CSNK1G2: variants seen among roughly 807,000 people sequenced by gnomAD.
The protein encoded by CSNK1G2 is casein kinase 1 gamma 2.
A neutral mutation model predicts 48.0 loss-of-function variants in CSNK1G2; 11 were observed. The ratio of observed to expected loss-of-function variants is 0.23; its 90% CI spans 0.14 to 0.38. CSNK1G2 has a LOEUF of 0.38. Ranked by LOEUF, CSNK1G2 falls within the 10% of genes least tolerant of loss-of-function variation. The probability of loss-of-function intolerance (pLI) is 1.00; values close to 1 mark genes in which losing one functional copy is unlikely to be tolerated. For synonymous variants in CSNK1G2, 337 were observed against 254.1 expected (o/e 1.33, Z -3.10); for missense variants, 446 against 595.5 (o/e 0.75, Z 2.61).
intron 1 of CSNK1G2, among the ~76,000 whole-genome samples, chr19:1,948,295 G>A (rs1015781442): frequency 6.6e-6 from 1 of 151,918 alleles, no homozygotes; most frequent in Non-Finnish European, 1.5e-5. Context: ...AGGCCGAGGC[G>A]GGTGGATCAC....
chr19:1,942,940 C>G (rs780628785), intron 1 of CSNK1G2, among the ~76,000 whole-genome samples: 9 of 152,132 alleles, frequency 5.9e-5, no homozygotes, highest in Non-Finnish European at 1.2e-4. Context: ...TGTGCAGGTA[C>G]GCGCACGCCT....
At position 1,980,295 on chromosome 19, in the gene CSNK1G2, C is replaced by T; in HGVS notation, c.*92C>T. The T allele has an allele frequency of 1.3e-6, 2 of 1,487,222 alleles. No homozygotes were observed. Among genetic ancestry groups the T allele is most frequent in the Non-Finnish European group, 1.9e-6 (2 of 1,073,564 alleles). The allele number at this position is 1,487,222 out of a possible 1,614,324, so 92.1% of individuals were successfully genotyped here. A position where few individuals can be genotyped will look rare whatever the true frequency, so the allele number is the denominator to read the frequency against. On this transcript the variant is annotated 3_prime_UTR_variant, in exon 12 of 12. Transcript: ENST00000255641. The stretch of plus-strand genomic sequence containing the variant: ...CCCTCGGGGCCCACCCACAGCGGCC[C>T]AGGGCCAGACCCTGGCTGGAAGCCA...
At chr19:1,960,191 G>A (rs984004656) in intron 1 of CSNK1G2, among the ~76,000 whole-genome samples, 1 of 152,204 alleles carries the variant, frequency 6.6e-6, no homozygotes, top group African/African-American at 2.4e-5. Context: ...TCCTGCTTAG[G>A]AGATAGGTAC....
chr19:1,968,621 G>T (rs1257032323), intron 1 of CSNK1G2, among the ~76,000 whole-genome samples: 1 of 152,212 alleles, frequency 6.6e-6, no homozygotes, highest in African/African-American at 2.4e-5. Context: ...GCGAGGGGCT[G>T]TGGGCTGGGG....
intron 1 of CSNK1G2, among the ~76,000 whole-genome samples, chr19:1,962,266 G>C (rs1351351807): frequency 1.3e-5 from 2 of 151,530 alleles, no homozygotes; most frequent in Admixed American, 6.6e-5. Flanking sequence ...GGGAGGCAGA[G>C]GTTACAGTGA....
rs113514690 is a variant in CSNK1G2 at position 1,961,606 on chromosome 19, C to G, written c.-265-7902C>G. On this transcript the variant is annotated intron_variant, in intron 1 of 11. Transcript: ENST00000255641. Reference sequence around the variant, plus strand: ...AGGTACTGTCTGGAACTAGGGGGTGCCCCCAAAGCGGCACGGCGCCCAGTC... The same window carrying G: ...AGGTACTGTCTGGAACTAGGGGGTGGCCCCAAAGCGGCACGGCGCCCAGTC... Among the ~76,000 whole-genome samples the G allele has an allele frequency of 5.9e-5, 9 of 152,344 alleles. 1 individual carries two copies. Among genetic ancestry groups the G allele is most frequent in the African/African-American group, 1.9e-4 (8 of 41,584 alleles).
At chr19:1,941,631 C>T (rs868732711) in intron 1 of CSNK1G2, among the ~76,000 whole-genome samples, 28 of 149,522 alleles carry the variant, frequency 1.9e-4, no homozygotes, top group African/African-American at 5.9e-4. Context: ...CGCAACACCC[C>T]GTTGACCCTG....
chr19:1,958,137 C>T (rs2015061981), intron 1 of CSNK1G2, among the ~76,000 whole-genome samples: 1 of 151,998 alleles, frequency 6.6e-6, no homozygotes, highest in South Asian at 2.1e-4. Context: ...CACAGCGCAG[C>T]CTCATGGGGC....
chr19:1,953,984 C>T (rs533276482), intron 1 of CSNK1G2: 3 of 533,956 alleles, frequency 5.6e-6, no homozygotes, highest in South Asian at 1.4e-5. Context: ...GTGGTGATGA[C>T]AGTCGCCCTT....
At chr19:1,974,232 C>G (rs2015674952) in intron 2 of CSNK1G2, among the ~76,000 whole-genome samples, 1 of 152,186 alleles carries the variant, frequency 6.6e-6, no homozygotes, top group Non-Finnish European at 1.5e-5. Context: ...GCTCACCGTT[C>G]TGGAGGCTGG....
At chr19:1,961,392 G>T (rs2015194717) in intron 1 of CSNK1G2, among the ~76,000 whole-genome samples, 1 of 152,256 alleles carries the variant, frequency 6.6e-6, no homozygotes, top group Admixed American at 6.5e-5. Context: ...CCTGGCTGGG[G>T]TGTGTGCGTC....
Position 1,941,245 on chromosome 19 carries a change from C to T in CSNK1G2, c.-439C>T, listed in dbSNP as rs2014345309. 1 of 146,434 alleles carries T rather than the reference C, an allele frequency of 6.8e-6. No homozygotes were observed. The highest frequency in any genetic ancestry group is 2.1e-4 in the South Asian group (1 of 4,870). 9.1% of individuals were successfully genotyped at this position (146,434 alleles called of 1,614,324 possible). A position where few individuals can be genotyped will look rare whatever the true frequency, so the allele number is the denominator to read the frequency against. On this transcript the variant is annotated 5_prime_UTR_variant, in exon 1 of 12. Coordinates refer to ENST00000255641, the MANE Select transcript of CSNK1G2 (RefSeq NM_001319.7). ...GCGCGGCGAGCCCGGCGCCTCCCGT[C>T]CCGAACATGCGGAGGCCGGCCCAGG...
At chr19:1,965,574 C>T (rs2015341101) in intron 1 of CSNK1G2, among the ~76,000 whole-genome samples, 1 of 152,046 alleles carries the variant, frequency 6.6e-6, no homozygotes, top group Non-Finnish European at 1.5e-5. Flanking sequence ...GATCTTGGCT[C>T]ACTGCATCCT....
rs927488651 is a variant in CSNK1G2 at position 1,951,587 on chromosome 19, G to A, written c.-266+10169G>A. Among the ~76,000 whole-genome samples the A allele has an allele frequency of 5.5e-5, 8 of 145,436 alleles. No individual in the cohort carries two copies. In the South Asian group the frequency reaches 6.7e-4, roughly 12 times the overall value. On this transcript the variant is annotated intron_variant, in intron 1 of 11. Coordinates refer to ENST00000255641, the MANE Select transcript of CSNK1G2 (RefSeq NM_001319.7). ...TCCCAGTTGGGGGGTGCAGCCTCCCGATGGGCCAGGATGGGGGATGCTTGG... is the reference window on the plus strand; with the variant it reads ...TCCCAGTTGGGGGGTGCAGCCTCCCAATGGGCCAGGATGGGGGATGCTTGG...
intron 1 of CSNK1G2, among the ~76,000 whole-genome samples, chr19:1,962,549 C>T (rs996597435): frequency 6.6e-6 from 1 of 151,872 alleles, no homozygotes; most frequent in Non-Finnish European, 1.5e-5. Flanking sequence ...CCTGTGGTCC[C>T]AGCTACTCGG....
At chr19:1,946,217 C>A (rs2014549925) in intron 1 of CSNK1G2, among the ~76,000 whole-genome samples, 1 of 152,128 alleles carries the variant, frequency 6.6e-6, no homozygotes, top group Admixed American at 6.6e-5. Flanking sequence ...AGAAAGACTG[C>A]AAGAGGCTCG....
At chr19:1,942,158 G>A (rs2014391259) in intron 1 of CSNK1G2, among the ~76,000 whole-genome samples, 1 of 152,198 alleles carries the variant, frequency 6.6e-6, no homozygotes, top group Non-Finnish European at 1.5e-5. Flanking sequence ...CTTCCGCTGT[G>A]GCCACCGGCT....
chr19:1,979,923 A>T lies in CSNK1G2; in HGVS notation c.1099A>T (p.Thr367Ser), dbSNP rs771387763. ...PHSKNQALNS[T>S]NGELNADDPT... is the part of the protein sequence containing the mutation. ...CTGCCCCCACCAGGCGTTGAACTCC[A>T]CCAACGGGGAGCTGAATGCGGACGA... The change falls in exon 11 of 12, where the codon ACC (threonine) becomes TCC (serine). Residue 367 changes from threonine (T) to serine (S), a missense_variant. Coordinates refer to ENST00000255641, the MANE Select transcript of CSNK1G2 (RefSeq NM_001319.7). 1.2e-6 allele frequency: 2 copies of T among 1,606,166 alleles called. No homozygotes were observed. The highest frequency in any genetic ancestry group is 4.5e-5 in the East Asian group (2 of 44,740).
intron 1 of CSNK1G2, among the ~76,000 whole-genome samples, chr19:1,952,324 CTT>C (rs1043611284): frequency 2.0e-5 from 3 of 146,580 alleles, no homozygotes; most frequent in Admixed American, 6.8e-5. Context: ...ACGTGCTCAA[CTT>C]TTTTTTTTTT....
Sources: allele counts gnomAD v4.1 joint callset (sites outside exome capture counted in the v4.1 genomes callset), GRCh38; gene constraint gnomAD v4.1.1; transcripts MANE v1.5; gene names NCBI Gene and HGNC (gene_info 2026-07-23, HGNC 2026-07-21).